RPLP0: variants seen among roughly 807,000 people sequenced by gnomAD.
The protein encoded by RPLP0 is large ribosomal subunit protein uL10.
For synonymous variants in RPLP0, 137 were observed against 153.4 expected, an observed-to-expected ratio of 0.89 and a Z score of 0.79; for missense variants, 276 against 402.9, an observed-to-expected ratio of 0.69 and a Z score of 2.70.
At chr12:120,200,593 T>C (rs1879404392) in intron 2 of RPLP0, 137 bp downstream of exon 2, 23 of 914,346 alleles carry the variant, frequency 2.5e-5, no homozygotes. Flanking sequence ...CTCAGGAAAT[T>C]GTTAACTAAA....
At chr12:120,199,747 C>T (rs1466827270) in intron 2 of RPLP0, 6 of 431,448 alleles carry the variant, frequency 1.4e-5, no homozygotes, top group South Asian at 7.0e-5. Flanking sequence ...TCCCAATTAC[C>T]AGGCATGCTT....
chr12:120,198,262 G>C lies in RPLP0; in HGVS notation c.651+292C>G. 3.0e-6 allele frequency: 1 copy of C among 335,372 alleles called. No individual in the cohort carries two copies. The allele number at this position is 335,372 out of a possible 1,614,324, so 20.8% of individuals were successfully genotyped here. A position where few individuals can be genotyped will look rare whatever the true frequency, so the allele number is the denominator to read the frequency against. On this transcript the variant is annotated intron_variant, in intron 6 of 7. Transcript: ENST00000392514. The surrounding 1 kb of genome is among the most constrained non-coding windows in gnomAD (Gnocchi z 4.1). ...TAGCCGGGCGTAGTGGCGGGTGCCT[G>C]TAGTCCCAGCTACTCAGGAGGCTGA...
At chr12:120,199,545 G>A in intron 2 of RPLP0, 60 bp from the exon 3 acceptor site, 1 of 1,522,530 alleles carries the variant, frequency 6.6e-7, no homozygotes. Context: ...AAAAATGCCA[G>A]AAGAAACTGA....
chr12:120,201,065 TCTAA>T lies in RPLP0; in HGVS notation c.-49+14_-49+17del. The T allele has an allele frequency of 2.3e-6, 1 of 430,614 alleles. No homozygotes were observed. The highest frequency in any genetic ancestry group is 4.1e-6 in the Non-Finnish European group (1 of 242,084). The allele number at this position is 430,614 out of a possible 1,614,324, so 26.7% of individuals were successfully genotyped here. A position where few individuals can be genotyped will look rare whatever the true frequency, so the allele number is the denominator to read the frequency against. ...TCCCGCCGGCGACCCCTGGCGCCCA[TCTAA>T]CTAGCACACGAACCTTCCACGAGGA... is the stretch of plus-strand genomic sequence containing the variant. On this transcript the variant is annotated intron_variant, in intron 1 of 7. Transcript: ENST00000392514.
rs568028694 is a variant in RPLP0, at chr12:120,196,816, G to A, written c.911C>T (p.Ser304Leu). The change falls in exon 8 of 8, where the codon TCG becomes TTG. Residue 304 changes from serine (S) to leucine (L), a missense_variant. Physicochemically the swap from Ser to Leu is moderately radical, Grantham distance 145. Transcript: ENST00000392514. ...TCCCATATCCTCGTCCGACTCCTCC[G>A]ACTCTTCCTTGGCTTCAACCTTAGC... The part of the protein sequence containing the change: ...APAKVEAKEE[S>L]EESDEDMGFG... 3.1e-5 allele frequency: 49 copies of A among 1,599,696 alleles called. No homozygotes were observed. Among genetic ancestry groups the A allele is most frequent in the Admixed American group, 2.9e-4 (17 of 59,618 alleles).
rs1190248536 is a variant in RPLP0 at position 120,201,104 on chromosome 12, A to G, written c.-70T>C. The G allele has an allele frequency of 1.4e-5, 5 of 348,236 alleles. No homozygotes were observed. The highest frequency in any genetic ancestry group is 2.1e-5 in the African/African-American group (1 of 47,418). 21.6% of individuals were successfully genotyped at this position (348,236 alleles called of 1,614,324 possible). ...GAACCTTCCACGAGGACGCCTGGCG[A>G]GAGAAGGGCCTCGCGCCCGCGCGTG... On this transcript the variant is annotated 5_prime_UTR_variant, in exon 1 of 8. Transcript: ENST00000392514.
chr12:120,199,263 G>A, intron 3 of RPLP0, 47 bp downstream of exon 3: 1 of 1,613,472 alleles, frequency 6.2e-7, no homozygotes, highest in Admixed American at 1.7e-5. Flanking sequence ...CCAGGAAGAG[G>A]GAGACGGGCA....
chr12:120,198,491 A>G lies in RPLP0; in HGVS notation c.651+63T>C. On this transcript the variant is annotated intron_variant, in intron 6 of 7. Transcript: ENST00000392514. The surrounding 1 kb of genome is among the most constrained non-coding windows in gnomAD (Gnocchi z 4.1). ...ACACAGTCCTTGGTTACAGGGACTC[A>G]GTCTGAACCTTGTCATGCTCTCAAC... 1.3e-6 allele frequency: 2 copies of G among 1,575,712 alleles called. No individual in the cohort carries two copies. Among genetic ancestry groups the G allele is most frequent in the Non-Finnish European group, 1.7e-6 (2 of 1,146,556 alleles).
rs1324932839 is a variant in RPLP0, at chr12:120,199,289, A to G, written c.230+21T>C. The G allele has an allele frequency of 2.5e-6, 4 of 1,613,948 alleles. No homozygotes were observed. The African/African-American group carries it at 5.3e-5, about 22-fold the overall frequency. ...GAGACGGGCACTGGGGAGAAAGGAC[A>G]AAACTGCCAGGGGAACTGACTTCTC... On this transcript the variant is annotated intron_variant, in intron 3 of 7. Coordinates refer to ENST00000392514, the MANE Select transcript of RPLP0 (RefSeq NM_001002.4).
chr12:120,200,000 T>A (rs889232401), intron 2 of RPLP0: 2 of 456,092 alleles, frequency 4.4e-6, no homozygotes, highest in Admixed American at 4.7e-5. Flanking sequence ...GCTGCCTAAT[T>A]GCTTAAGCGC....
intron 7 of RPLP0, 108 bp downstream of exon 7, chr12:120,197,214 T>G: frequency 8.9e-7 from 1 of 1,120,728 alleles, no homozygotes. Flanking sequence ...CCTCACAAAA[T>G]TATCTGCTAT....
chr12:120,196,778 C>G lies in RPLP0; in HGVS notation c.949G>C (p.Asp317His). Residue 317 changes from aspartate (D) to histidine (H), a missense_variant, in exon 8 of 8, where the codon GAC (aspartate) becomes CAC (histidine). Coordinates refer to ENST00000392514, the MANE Select transcript of RPLP0 (RefSeq NM_001002.4). ...SDEDMGFGLFD is the reference protein window; with the variant it reads ...SDEDMGFGLFH ...AGTTGGTTGCTTTTTGGTGATTAGTCAAAGAGACCAAATCCCATATCCTCG... is the reference window on the plus strand; with the variant it reads ...AGTTGGTTGCTTTTTGGTGATTAGTGAAAGAGACCAAATCCCATATCCTCG... 2 of 1,563,866 alleles carry G rather than the reference C, an allele frequency of 1.3e-6. No homozygotes were observed. The highest frequency in any genetic ancestry group is 1.7e-6 in the Non-Finnish European group (2 of 1,149,958).
chr12:120,198,469 C>T lies in RPLP0; in HGVS notation c.651+85G>A. 7.1e-7 allele frequency: 1 copy of T among 1,405,106 alleles called. No individual in the cohort carries two copies. Among genetic ancestry groups the T allele is most frequent in the Non-Finnish European group, 1.0e-6 (1 of 996,462 alleles). The allele number at this position is 1,405,106 out of a possible 1,614,324, so 87.0% of individuals were successfully genotyped here. A position where few individuals can be genotyped will look rare whatever the true frequency, so the allele number is the denominator to read the frequency against. On this transcript the variant is annotated intron_variant, in intron 6 of 7. Coordinates refer to ENST00000392514, the MANE Select transcript of RPLP0 (RefSeq NM_001002.4). This position sits in a 1 kb window ranked among gnomAD's most constrained non-coding sequence, Gnocchi z 4.1. Reference sequence around the variant, plus strand: ...TGAGGTAGGTAGACAGATGAAAACACAGTCCTTGGTTACAGGGACTCAGTC... The same window carrying T: ...TGAGGTAGGTAGACAGATGAAAACATAGTCCTTGGTTACAGGGACTCAGTC...
intron 2 of RPLP0, chr12:120,199,895 G>A: frequency 2.6e-6 from 1 of 391,062 alleles, no homozygotes; most frequent in Non-Finnish European, 5.1e-6. Context: ...AACAATCTAG[G>A]CGTGTTTATC....
At position 120,200,807 on chromosome 12, in the gene RPLP0, C is replaced by A; in HGVS notation, c.-24G>T. 1 of 1,608,218 alleles carries A rather than the reference C, an allele frequency of 6.2e-7. No homozygotes were observed. The highest frequency in any genetic ancestry group is 8.5e-7 in the Non-Finnish European group (1 of 1,178,216). On this transcript the variant is annotated 5_prime_UTR_variant, in exon 2 of 8. Transcript: ENST00000392514. ...ATCACGGCGGTGCGTCAGGGATTGC[C>A]ACGCAGGGTTTAAAGACGATGTCAC...
At chr12:120,200,130 G>GAGTC (rs1298607927) in intron 2 of RPLP0, 18 of 455,976 alleles carry the variant, frequency 3.9e-5, no homozygotes, top group Admixed American at 1.6e-4. Context: ...TCCTTACAAT[G>GAGTC]AGTCATTCCT....
rs1014098266 is a variant in RPLP0, at chr12:120,196,926, G to A, written c.801C>T (p.Ala267=). The change falls in exon 8 of 8, where the codon GCC becomes GCT. Residue 267 remains alanine, a synonymous_variant. Transcript: ENST00000392514. ...YTFPLAEKVK[A]FLADPSAFVA... The stretch of plus-strand genomic sequence containing the variant: ...CAAAGGCAGATGGATCAGCCAAGAA[G>A]GCCTTGACCTGAAAGGAGGGGGGAA... 2 of 1,613,192 alleles carry A rather than the reference G, an allele frequency of 1.2e-6. No homozygotes were observed. Among genetic ancestry groups the A allele is most frequent in the African/African-American group, 2.7e-5 (2 of 74,918 alleles).
At position 120,198,503 on chromosome 12, in the gene RPLP0, G is replaced by T. The variant is rs781600167; in HGVS notation, c.651+51C>A. ...GTTACAGGGACTCAGTCTGAACCTT[G>T]TCATGCTCTCAACCATCAGTGTAAG... On this transcript the variant is annotated intron_variant, in intron 6 of 7. Transcript: ENST00000392514. The surrounding 1 kb of genome is among the most constrained non-coding windows in gnomAD (Gnocchi z 4.1). 1.2e-6 allele frequency: 2 copies of T among 1,603,150 alleles called. No individual in the cohort carries two copies. Among genetic ancestry groups the T allele is most frequent in the Non-Finnish European group, 1.7e-6 (2 of 1,170,760 alleles).
chr12:120,197,044 G>C, intron 7 of RPLP0, 110 bp from the exon 8 acceptor site: 1 of 1,550,000 alleles, frequency 6.5e-7, no homozygotes, highest in Non-Finnish European at 8.8e-7. Flanking sequence ...TCCGTGTGAA[G>C]CCTTTCCTGT....
Sources: gnomAD v4.1 joint callset for allele counts on GRCh38, gnomAD v4.1.1 for gene constraint, Gnocchi (gnomAD v3.1) non-coding constraint, MANE v1.5 for transcripts, NCBI Gene and HGNC (gene_info 2026-07-23, HGNC 2026-07-21) for gene names.